The following EME2 variants were observed in gnomAD, a reference collection of about 807,000 sequenced individuals.
EME2 encodes the protein structure-specific endonuclease subunit EME2.
In EME2, 58 loss-of-function variants were observed where a neutral mutation model predicts 41.9. The observed-to-expected ratio is 1.38, with a 90% confidence interval of 1.12 to 1.72. The LOEUF (loss-of-function observed/expected upper bound fraction) is 1.72, where lower values mean the gene tolerates loss of function less well. Ranked by LOEUF, EME2 falls within the 40% of genes most tolerant of loss-of-function variation. The pLI is 0.00. For missense variants in EME2, 695 were observed against 541.9 expected (o/e 1.28, Z -2.81); for synonymous variants, 334 against 239.3 (o/e 1.40, Z -3.65).
In EME2 at chr16:1,777,783, C is replaced by T. The variant is rs1420097248; in HGVS notation, c.*1545C>T. 6 of 1,612,704 alleles carry T rather than the reference C, an allele frequency of 3.7e-6. No individual in the cohort carries two copies. Among genetic ancestry groups the T allele is most frequent in the East Asian group, 2.2e-5 (1 of 44,880 alleles). ...CTGTTCTTGAAAAAGGTGAGTGTGC[C>T]GTGCCAGGTGTCCAGGTGCACGCCA... On this transcript the variant is annotated 3_prime_UTR_variant, in exon 8 of 8. Transcript: ENST00000568449.
chr16:1,774,973 G>A, intron 3 of EME2, 68 bp from the exon 4 acceptor site: 1 of 1,254,128 alleles, frequency 8.0e-7, no homozygotes, highest in Non-Finnish European at 1.1e-6. Context: ...ACCAGCTGTG[G>A]CCTGGTGGCC....
rs753841145 is a variant in EME2, at chr16:1,772,825, G to C, written c.-403G>C. ...TGCGCCGTGTAGTCGGGCCGCACCC[G>C]CGTGAGGCGCCAGTAGCACGGCTCG... On this transcript the variant is annotated 5_prime_UTR_variant, in exon 1 of 8. Coordinates refer to ENST00000568449, the MANE Select transcript of EME2 (RefSeq NM_001257370.2). The C allele has an allele frequency of 2.1e-6, 3 of 1,444,770 alleles. No individual in the cohort carries two copies. Among genetic ancestry groups the C allele is most frequent in the Non-Finnish European group, 2.7e-6 (3 of 1,103,942 alleles). The allele number at this position is 1,444,770 out of a possible 1,614,324, so 89.5% of individuals were successfully genotyped here.
Position 1,778,121 on chromosome 16 carries a change from C to T in EME2, c.*1883C>T, listed in dbSNP as rs200130779. The T allele has an allele frequency of 8.3e-4, 1,343 of 1,612,742 alleles. 3 individuals are homozygous for T. Among genetic ancestry groups the T allele is most frequent in the Non-Finnish European group, 1.0e-3 (1,203 of 1,179,732 alleles). ...CAGGTTCCCCAGAAGCACCCTGGGC[C>T]GAAGCAACTTACCATGTCGGTGCCG... is the stretch of plus-strand genomic sequence containing the variant. On this transcript the variant is annotated 3_prime_UTR_variant, in exon 8 of 8. Transcript: ENST00000568449.
rs1181546633 is a variant in EME2 at position 1,775,656 on chromosome 16, A to G, written c.751A>G (p.Thr251Ala). ...QELSRHVCAV[T>A]KALAQYPLKQ... is the part of the protein sequence containing the mutation. ...GCTGAGTCGGCACGTGTGCGCCGTT[A>G]CCAAGGCTCTCGCCCAGTATCCCCT... is the stretch of plus-strand genomic sequence containing the variant. Residue 251 changes from threonine to alanine, a missense_variant, in exon 6 of 8, where the codon ACC becomes GCC. Physicochemically the swap from Thr to Ala is moderately conservative, Grantham distance 58. Coordinates refer to ENST00000568449, the MANE Select transcript of EME2 (RefSeq NM_001257370.2). 2 of 1,612,812 alleles carry G rather than the reference A, an allele frequency of 1.2e-6. No homozygotes were observed. The highest frequency in any genetic ancestry group is 1.7e-6 in the Non-Finnish European group (2 of 1,180,040).
In EME2 at chr16:1,781,643, G is replaced by A; in HGVS notation, c.*5405G>A. 1 of 782,264 alleles carries A rather than the reference G, an allele frequency of 1.3e-6. No homozygotes were observed. The highest frequency in any genetic ancestry group is 1.8e-5 in the South Asian group (1 of 54,066). 48.5% of individuals were successfully genotyped at this position (782,264 alleles called of 1,614,324 possible). ...GGGCTCCAGAACGCTTCAGGAGCCCGTACCTCACTCCAGGATCTGAGCAGC... is the reference window on the plus strand; with the variant it reads ...GGGCTCCAGAACGCTTCAGGAGCCCATACCTCACTCCAGGATCTGAGCAGC... On this transcript the variant is annotated 3_prime_UTR_variant, in exon 8 of 8. Coordinates refer to ENST00000568449, the MANE Select transcript of EME2 (RefSeq NM_001257370.2).
chr16:1,778,695 T>C lies in EME2; in HGVS notation c.*2457T>C. The C allele has an allele frequency of 6.9e-7, 1 of 1,447,914 alleles. No homozygotes were observed. The highest frequency in any genetic ancestry group is 9.1e-7 in the Non-Finnish European group (1 of 1,095,168). 89.7% of individuals were successfully genotyped at this position (1,447,914 alleles called of 1,614,324 possible). On this transcript the variant is annotated 3_prime_UTR_variant, in exon 8 of 8. Transcript: ENST00000568449. Reference sequence around the variant, plus strand: ...TGCCCTCTGTCCCTGTCCCACCCTGTCCCTGACCCACCCAGGAAAGGATGG... The same window carrying C: ...TGCCCTCTGTCCCTGTCCCACCCTGCCCCTGACCCACCCAGGAAAGGATGG...
At position 1,775,365 on chromosome 16, in the gene EME2, T is replaced by C; in HGVS notation, c.620T>C (p.Val207Ala). 1 of 1,610,364 alleles carries C rather than the reference T, an allele frequency of 6.2e-7. No homozygotes were observed. The highest frequency in any genetic ancestry group is 8.5e-7 in the Non-Finnish European group (1 of 1,178,498). ...ACACAGCAGCCAGAGAGCCCGAAGG[T>C]GGCCGGTGCCGAGGTGGCCGTCAGC... is the stretch of plus-strand genomic sequence containing the variant. Reference protein sequence around the residue: ...RGTQQPESPKVAGAEVAVSWP... With the variant: ...RGTQQPESPKAAGAEVAVSWP... The change falls in exon 5 of 8, where the codon GTG (valine) becomes GCG (alanine). Residue 207 changes from valine (V) to alanine (A), a missense_variant. Physicochemically the swap from Val to Ala is moderately conservative, Grantham distance 64 (BLOSUM62 0). Transcript: ENST00000568449.
In EME2 at chr16:1,777,538, G is replaced by A. The variant is rs567814458; in HGVS notation, c.*1300G>A. ...CCTCACGCTACAGTCACCCGGGTGGGCAGCTGGCACAGCTGAGGCAAGGCA... is the reference window on the plus strand; with the variant it reads ...CCTCACGCTACAGTCACCCGGGTGGACAGCTGGCACAGCTGAGGCAAGGCA... On this transcript the variant is annotated 3_prime_UTR_variant, in exon 8 of 8. Transcript: ENST00000568449. The A allele has an allele frequency of 1.4e-5, 20 of 1,379,818 alleles. No individual in the cohort carries two copies. Among genetic ancestry groups the A allele is most frequent in the African/African-American group, 8.7e-5 (6 of 68,742 alleles). 85.5% of individuals were successfully genotyped at this position (1,379,818 alleles called of 1,614,324 possible).
At chr16:1,774,144 G>C in intron 2 of EME2, 116 bp from the exon 3 acceptor site, 1 of 943,406 alleles carries the variant, frequency 1.1e-6, no homozygotes, top group Non-Finnish European at 1.7e-6. Flanking sequence ...GAGCAGGCCT[G>C]TCAGGGCCTG....
chr16:1,773,848 G>C lies in EME2; in HGVS notation c.384+7G>C, dbSNP rs1307957861. On this transcript the variant is annotated splice_region_variant and intron_variant, in intron 2 of 7. Coordinates refer to ENST00000568449, the MANE Select transcript of EME2 (RefSeq NM_001257370.2). ...CGACCCCTGCCCCCGCAGCGTGAGT[G>C]GTCGCGGGTTCCCGAGGGCCAGCCG... 4 of 1,535,774 alleles carry C rather than the reference G, an allele frequency of 2.6e-6. No homozygotes were observed. The highest frequency in any genetic ancestry group is 3.5e-6 in the Non-Finnish European group (4 of 1,146,458).
Position 1,772,914 on chromosome 16 carries a change from C to T in EME2, c.-314C>T. 6.9e-7 allele frequency: 1 copy of T among 1,448,720 alleles called. No homozygotes were observed. The highest frequency in any genetic ancestry group is 9.0e-7 in the Non-Finnish European group (1 of 1,107,254). The allele number at this position is 1,448,720 out of a possible 1,614,324, so 89.7% of individuals were successfully genotyped here. A position where few individuals can be genotyped will look rare whatever the true frequency, so the allele number is the denominator to read the frequency against. ...GCCCAGGCCGAAGAGCGGGAGGCGG[C>T]CGAGCAGCTGCAAGAGGCGGCTCTC... On this transcript the variant is annotated 5_prime_UTR_variant, in exon 1 of 8. Transcript: ENST00000568449.
rs1336960585 is a variant in EME2, at chr16:1,777,663, C to T, written c.*1425C>T. On this transcript the variant is annotated 3_prime_UTR_variant, in exon 8 of 8. Transcript: ENST00000568449. ...TCTGGGAGGAACCCTTTCAGAAAAC[C>T]TCAGTGTCCCCTGGGCTGGGGCGGG... 3 of 1,570,626 alleles carry T rather than the reference C, an allele frequency of 1.9e-6. No individual in the cohort carries two copies. The highest frequency in any genetic ancestry group is 2.6e-6 in the Non-Finnish European group (3 of 1,158,090).
rs1044309267 is a variant in EME2, at chr16:1,780,097, GAGC to G, written c.*3864_*3866del. ...AGCGCAGGGGAGCTGTGACAGCAGA[GAGC>G]AGCACCAGGTCACACAAGCAGCCGC... On this transcript the variant is annotated 3_prime_UTR_variant, in exon 8 of 8. Coordinates refer to ENST00000568449, the MANE Select transcript of EME2 (RefSeq NM_001257370.2). 6 of 152,496 alleles carry G rather than the reference GAGC, an allele frequency of 3.9e-5. No individual in the cohort carries two copies. The highest frequency in any genetic ancestry group is 1.4e-4 in the African/African-American group (6 of 41,462). The allele number at this position is 152,496 out of a possible 1,614,324, so 9.4% of individuals were successfully genotyped here.
rs2042669203 is a variant in EME2, at chr16:1,773,831, GC to G, written c.379del (p.Arg127AlafsTer31). 2.6e-6 allele frequency: 4 copies of G among 1,545,360 alleles called. No individual in the cohort carries two copies. Among genetic ancestry groups the G allele is most frequent in the African/African-American group, 2.7e-5 (2 of 72,974 alleles). On this transcript the variant is annotated frameshift_variant, in exon 2 of 8. Transcript: ENST00000568449. LOFTEE classifies it high-confidence loss of function. The stretch of plus-strand genomic sequence containing the variant: ...TGGACCCGAGCGAGTCCCGACCCCT[GC>G]CCCCGCAGCGTGAGTGGTCGCGGGT... ...LRWTRASPDP[C>X]PRSLPPEVWA...
rs1296239879 is a variant in EME2 at position 1,773,685 on chromosome 16, C to G, written c.248-20C>G. ...AGGGTGGAAGGAAGCAGTGACCGCG[C>G]TCCTCTCCCCCGGTCCCAGCCATCC... On this transcript the variant is annotated intron_variant, in intron 1 of 7. Coordinates refer to ENST00000568449, the MANE Select transcript of EME2 (RefSeq NM_001257370.2). 6.5e-7 allele frequency: 1 copy of G among 1,548,050 alleles called. No homozygotes were observed. The highest frequency in any genetic ancestry group is 1.4e-5 in the African/African-American group (1 of 73,042).
At position 1,778,659 on chromosome 16, in the gene EME2, C is replaced by T. The variant is rs761282971; in HGVS notation, c.*2421C>T. 54 of 1,510,786 alleles carry T rather than the reference C, an allele frequency of 3.6e-5. No individual in the cohort carries two copies. The highest frequency in any genetic ancestry group is 1.4e-4 in the Admixed American group (7 of 49,344). 93.6% of individuals were successfully genotyped at this position (1,510,786 alleles called of 1,614,324 possible). On this transcript the variant is annotated 3_prime_UTR_variant, in exon 8 of 8. Transcript: ENST00000568449. ...TTACTACCTGTTGCCCGCTCTCTACCCTCTCACCCTTGCCCTCTGTCCCTG... is the reference window on the plus strand; with the variant it reads ...TTACTACCTGTTGCCCGCTCTCTACTCTCTCACCCTTGCCCTCTGTCCCTG...
At chr16:1,774,422 C>A in intron 3 of EME2, 70 bp downstream of exon 3, 1 of 1,285,392 alleles carries the variant, frequency 7.8e-7, no homozygotes, top group South Asian at 1.2e-5. Context: ...GGCGCCTGCT[C>A]CGCCGGTCCC....
In EME2 at chr16:1,772,933, G is replaced by A. The variant is rs1325389828; in HGVS notation, c.-295G>A. Reference sequence around the variant, plus strand: ...AGGCGGCCGAGCAGCTGCAAGAGGCGGCTCTCGCGGCGCACGTCGGCCCAG... The same window carrying A: ...AGGCGGCCGAGCAGCTGCAAGAGGCAGCTCTCGCGGCGCACGTCGGCCCAG... On this transcript the variant is annotated 5_prime_UTR_variant, in exon 1 of 8. Transcript: ENST00000568449. The A allele has an allele frequency of 2.1e-6, 3 of 1,446,150 alleles. No individual in the cohort carries two copies. The highest frequency in any genetic ancestry group is 2.8e-5 in the Admixed American group (1 of 35,414). 89.6% of individuals were successfully genotyped at this position (1,446,150 alleles called of 1,614,324 possible). A position where few individuals can be genotyped will look rare whatever the true frequency, so the allele number is the denominator to read the frequency against.
rs551718253 is a variant in EME2, at chr16:1,776,363, C to G, written c.*125C>G. Reference sequence around the variant, plus strand: ...GGGTGGGTTCTCTGGCTGAGCAGGTCTGACCTCAGGGGAAGGGTGGGTGGT... The same window carrying G: ...GGGTGGGTTCTCTGGCTGAGCAGGTGTGACCTCAGGGGAAGGGTGGGTGGT... On this transcript the variant is annotated 3_prime_UTR_variant, in exon 8 of 8. Coordinates refer to ENST00000568449, the MANE Select transcript of EME2 (RefSeq NM_001257370.2). 3.0e-4 allele frequency: 269 copies of G among 907,880 alleles called. 1 individual carries two copies. The African/African-American group carries it at 3.6e-3, about 12-fold the overall frequency. 56.2% of individuals were successfully genotyped at this position (907,880 alleles called of 1,614,324 possible).
Sources: allele counts gnomAD v4.1 joint callset, GRCh38; gene constraint gnomAD v4.1.1; transcripts MANE v1.5; gene names NCBI Gene and HGNC (gene_info 2026-07-23, HGNC 2026-07-21).